FLACC1: variants seen among roughly 807,000 people sequenced by gnomAD.
The protein encoded by FLACC1 is flagellum associated containing coiled-coil domains 1.
Under a neutral mutation model 62.8 loss-of-function variants are expected in FLACC1, and 66 were observed. The ratio of observed to expected loss-of-function variants is 1.05; its 90% CI spans 0.86 to 1.29. The LOEUF (loss-of-function observed/expected upper bound fraction) is 1.29. Ranked by LOEUF, FLACC1 falls within the 50% of genes most tolerant of loss-of-function variation. The probability of loss-of-function intolerance (pLI) is 0.00; values close to 1 mark genes in which losing one functional copy is unlikely to be tolerated. For synonymous variants in FLACC1, 156 were observed against 161.0 expected (o/e 0.97, Z 0.24); for missense variants, 452 against 489.1 (o/e 0.92, Z 0.71).
chr2:201,348,376 AG>A, intron 3 of FLACC1, 74 bp from the exon 4 acceptor site: 1 of 1,483,694 alleles, frequency 6.7e-7, no homozygotes, highest in Non-Finnish European at 9.2e-7. Context: ...CTGAACCCTG[AG>A]GCCGCCACCA....
At chr2:201,295,600 G>C (rs1328794595) in intron 12 of FLACC1, among the ~76,000 whole-genome samples, 1 of 152,084 alleles carries the variant, frequency 6.6e-6, no homozygotes, top group Non-Finnish European at 1.5e-5. Flanking sequence ...CATAGGCATG[G>C]GCAAGGACTT....
chr2:201,290,046 TACCGATTCCAATTATATG>T (rs1949696797), intron 12 of FLACC1, among the ~76,000 whole-genome samples: 1 of 152,166 alleles, frequency 6.6e-6, no homozygotes, highest in African/African-American at 2.4e-5. Flanking sequence ...AAATACCTAC[TACCGATTCCAATTATATG>T]ACACTCTGGA....
At chr2:201,290,987 G>A (rs1485194295) in intron 12 of FLACC1, among the ~76,000 whole-genome samples, 3 of 152,178 alleles carry the variant, frequency 2.0e-5, no homozygotes, top group Non-Finnish European at 4.4e-5. Flanking sequence ...GTGGAGGGGC[G>A]CCCACCATTG....
intron 7 of FLACC1, among the ~76,000 whole-genome samples, chr2:201,338,351 G>A (rs1950737253): frequency 6.6e-6 from 1 of 152,124 alleles, no homozygotes; most frequent in Non-Finnish European, 1.5e-5. Context: ...GGCAAAGAGA[G>A]ATCATTTGGC....
chr2:201,335,696 C>T (rs1283585109), intron 7 of FLACC1, among the ~76,000 whole-genome samples: 3 of 151,996 alleles, frequency 2.0e-5, no homozygotes, highest in African/African-American at 4.8e-5. Context: ...ATTATTTGTT[C>T]TATTTTTGTG....
chr2:201,289,839 C>T (rs750263047), intron 12 of FLACC1, 54 bp from the exon 13 acceptor site: 1 of 1,613,452 alleles, frequency 6.2e-7, no homozygotes, highest in South Asian at 1.1e-5. Context: ...TTTATTTGGT[C>T]TCTTCTCCAG....
intron 9 of FLACC1, among the ~76,000 whole-genome samples, chr2:201,325,622 G>C (rs527762740): frequency 1.2e-4 from 18 of 152,236 alleles, no homozygotes; most frequent in Non-Finnish European, 2.1e-4. Context: ...AAATCAGGAA[G>C]AAACAGAAAC....
chr2:201,354,433 TCAGGGCTAGAAAGGAGTC>T (rs949387132), intron 1 of FLACC1, among the ~76,000 whole-genome samples: 3 of 151,842 alleles, frequency 2.0e-5, no homozygotes, highest in Non-Finnish European at 4.4e-5. Context: ...GCAATAGAGG[TCAGGGCTAGAAAGGAGTC>T]CAGGGCTAGA....
At chr2:201,342,315 A>T in intron 7 of FLACC1, 55 bp downstream of exon 7, 1 of 1,579,066 alleles carries the variant, frequency 6.3e-7, no homozygotes, top group Non-Finnish European at 8.7e-7. Context: ...CCTGCAAAGG[A>T]TGCGGGACCC....
At chr2:201,335,200 G>A (rs1030825271) in intron 7 of FLACC1, among the ~76,000 whole-genome samples, 2 of 151,720 alleles carry the variant, frequency 1.3e-5, no homozygotes, top group Non-Finnish European at 2.9e-5. Flanking sequence ...TTAGCTAAAG[G>A]TTTGTTGCTT....
intron 11 of FLACC1, among the ~76,000 whole-genome samples, chr2:201,301,504 T>C (rs1344123307): frequency 3.9e-5 from 6 of 152,076 alleles, no homozygotes; most frequent in Admixed American, 3.9e-4. Context: ...TGGAAAACAC[T>C]CTGCAGGATA....
At chr2:201,323,659 T>C (rs1950445761) in intron 9 of FLACC1, among the ~76,000 whole-genome samples, 2 of 151,976 alleles carry the variant, frequency 1.3e-5, no homozygotes, top group African/African-American at 4.8e-5. Context: ...TGATTGTGCA[T>C]GCTTGTAATC....
intron 7 of FLACC1, among the ~76,000 whole-genome samples, chr2:201,337,690 A>G (rs1950722183): frequency 6.6e-6 from 1 of 152,058 alleles, no homozygotes; most frequent in Non-Finnish European, 1.5e-5. Context: ...TACCTGGCTA[A>G]TTTTTAATCT....
At position 201,288,724 on chromosome 2, in the gene FLACC1, G is replaced by A; in HGVS notation, c.1200C>T (p.Ala400=). 3.1e-6 allele frequency: 5 copies of A among 1,613,876 alleles called. No individual in the cohort carries two copies. The highest frequency in any genetic ancestry group is 4.2e-6 in the Non-Finnish European group (5 of 1,179,922). ...EICEGCSGRL[A]SITVSKDDSD... is the part of the protein sequence containing the mutation. The stretch of plus-strand genomic sequence containing the variant: ...AATCATCCTTAGAAACAGTAATAGA[G>A]GCCAATCTCCCAGAACATCCTTCAC... The change falls in exon 15 of 15, where the codon GCC becomes GCT. Residue 400 remains alanine (A), a synonymous_variant. Transcript: ENST00000392257.
chr2:201,289,410 C>A, intron 14 of FLACC1, 47 bp downstream of exon 14: 1 of 1,566,260 alleles, frequency 6.4e-7, no homozygotes, highest in South Asian at 1.1e-5. Context: ...AACTCCTTCC[C>A]ACTCCTAAAG....
chr2:201,350,919 T>C, intron 2 of FLACC1, 137 bp from the exon 3 acceptor site: 1 of 743,890 alleles, frequency 1.3e-6, no homozygotes, highest in Admixed American at 2.7e-5. Flanking sequence ...CTTTAAAATC[T>C]GAGGCCTTTA....
intron 9 of FLACC1, among the ~76,000 whole-genome samples, chr2:201,312,083 C>T (rs1950227312): frequency 6.6e-6 from 1 of 152,060 alleles, no homozygotes; most frequent in South Asian, 2.1e-4. Context: ...TAGCCAGAGC[C>T]ATTAGGCAAG....
intron 12 of FLACC1, among the ~76,000 whole-genome samples, chr2:201,297,868 CT>C (rs1410593510): frequency 1.3e-5 from 2 of 152,100 alleles, no homozygotes; most frequent in South Asian, 4.1e-4. Context: ...AATCGGGCAC[CT>C]TCTGAGAAGG....
intron 1 of FLACC1, among the ~76,000 whole-genome samples, chr2:201,356,775 G>T (rs984605016): frequency 3.9e-5 from 6 of 152,014 alleles, no homozygotes; most frequent in African/African-American, 1.4e-4. Context: ...ACATCATATA[G>T]CTCTAATTAT....
Sources: allele counts gnomAD v4.1 joint callset (sites outside exome capture counted in the v4.1 genomes callset), GRCh38; gene constraint gnomAD v4.1.1; transcripts MANE v1.5; gene names NCBI Gene and HGNC (gene_info 2026-07-23, HGNC 2026-07-21).